SOX5: variants seen among roughly 807,000 people sequenced by gnomAD.
SOX5 encodes the protein SRY-box transcription factor 5.
In SOX5, 9 loss-of-function variants were observed where a neutral mutation model predicts 92.0. The ratio of observed to expected loss-of-function variants is 0.10; its 90% CI spans 0.06 to 0.17. The LOEUF (loss-of-function observed/expected upper bound fraction) is 0.17, where lower values mean the gene tolerates loss of function less well. Among genes scored for constraint, SOX5 ranks in the 10% least tolerant of loss-of-function variants. The pLI is 1.00. For missense variants in SOX5, 642 were observed against 944.5 expected, an observed-to-expected ratio of 0.68 and a Z score of 4.20; for synonymous variants, 344 against 336.3, an observed-to-expected ratio of 1.02 and a Z score of -0.25.
intron 4 of SOX5, among the ~76,000 whole-genome samples, chr12:23,994,077 G>A (rs1045030729): frequency 6.6e-6 from 1 of 151,656 alleles, no homozygotes; most frequent in Non-Finnish European, 1.5e-5. Flanking sequence ...TCACACCACT[G>A]GCACCACTGC....
chr12:24,211,098 G>A (rs761262940), intron 4 of SOX5, among the ~76,000 whole-genome samples: 2 of 152,066 alleles, frequency 1.3e-5, no homozygotes, highest in Non-Finnish European at 2.9e-5. Context: ...TCCTGCCACT[G>A]CCCTTGCCAT....
intron 3 of SOX5, among the ~76,000 whole-genome samples, chr12:24,258,168 T>TC (rs1294321023): frequency 4.6e-5 from 7 of 151,672 alleles, no homozygotes; most frequent in East Asian, 3.9e-4. Flanking sequence ...CAAGACTCCG[T>TC]CAAAAAACAC....
intron 1 of SOX5, among the ~76,000 whole-genome samples, chr12:24,402,103 G>A (rs529355495): frequency 5.4e-4 from 82 of 152,242 alleles, no homozygotes; most frequent in African/African-American, 1.9e-3. Context: ...ATGAGGAGGT[G>A]CCATTTTTAC....
At chr12:23,809,253 A>T (rs558210482) in intron 3 of SOX5, among the ~76,000 whole-genome samples, 2 of 152,094 alleles carry the variant, frequency 1.3e-5, no homozygotes, top group Admixed American at 6.6e-5. Context: ...GGGTAGGGAG[A>T]GGCAGTGGTA....
intron 4 of SOX5, among the ~76,000 whole-genome samples, chr12:24,060,328 G>A (rs1422344726): frequency 1.3e-5 from 2 of 152,142 alleles, no homozygotes; most frequent in South Asian, 2.1e-4. Flanking sequence ...AGGAAGTGGT[G>A]GAGCCAGGAA....
intron 1 of SOX5, among the ~76,000 whole-genome samples, chr12:24,547,233 G>A (rs933499459): frequency 1.6e-4 from 22 of 141,114 alleles, no homozygotes; most frequent in African/African-American, 3.4e-4. Context: ...CGCCCAGGCC[G>A]GACTGCGGAC....
chr12:24,241,054 C>T (rs757248570), intron 3 of SOX5, among the ~76,000 whole-genome samples: 1 of 152,028 alleles, frequency 6.6e-6, no homozygotes, highest in Non-Finnish European at 1.5e-5. Context: ...TGAATTCCCT[C>T]TCTCAGTTTT....
chr12:24,394,043 G>A (rs1217094924), intron 1 of SOX5, among the ~76,000 whole-genome samples: 3 of 152,146 alleles, frequency 2.0e-5, no homozygotes, highest in South Asian at 2.1e-4. Context: ...TAGGGGAAAG[G>A]TGGCTGAAAG....
At chr12:24,028,370 G>A (rs1955111127) in intron 4 of SOX5, among the ~76,000 whole-genome samples, 1 of 151,906 alleles carries the variant, frequency 6.6e-6, no homozygotes, top group African/African-American at 2.4e-5. Context: ...TAATAATTTG[G>A]ATTAATAGGA....
At chr12:24,180,579 C>T (rs1255014215) in intron 4 of SOX5, among the ~76,000 whole-genome samples, 6 of 152,110 alleles carry the variant, frequency 3.9e-5, no homozygotes, top group East Asian at 1.9e-4. Context: ...GTATGCAGTG[C>T]CCCTTTTATA....
At chr12:23,989,258 G>A (rs1569420240) in intron 4 of SOX5, among the ~76,000 whole-genome samples, 1 of 150,780 alleles carries the variant, frequency 6.6e-6, no homozygotes, top group Non-Finnish European at 1.5e-5. Context: ...TAGGCGTGGT[G>A]TTGCGTGCCT....
chr12:23,738,996 C>A (rs557155081), intron 5 of SOX5, among the ~76,000 whole-genome samples: 6 of 152,294 alleles, frequency 3.9e-5, no homozygotes, highest in Non-Finnish European at 8.8e-5. Context: ...AAGCAGACAT[C>A]AACCACCAAG....
At chr12:23,584,937 C>G (rs1950518616) in intron 9 of SOX5, among the ~76,000 whole-genome samples, 2 of 151,978 alleles carry the variant, frequency 1.3e-5, no homozygotes, top group African/African-American at 4.8e-5. Context: ...AGACAATTTT[C>G]ATTTTTAAAG....
At chr12:24,247,600 A>G (rs957642966) in intron 3 of SOX5, among the ~76,000 whole-genome samples, 1 of 149,988 alleles carries the variant, frequency 6.7e-6, no homozygotes, top group African/African-American at 2.5e-5. Context: ...GGCACGTTAC[A>G]TCTTTACCCC....
intron 1 of SOX5, among the ~76,000 whole-genome samples, chr12:24,408,148 G>C (rs987093912): frequency 3.9e-5 from 6 of 152,100 alleles, no homozygotes; most frequent in Non-Finnish European, 5.9e-5. Flanking sequence ...CAGCAAAAAA[G>C]GCTCTGCGAC....
chr12:23,894,989 C>T (rs997573096), intron 2 of SOX5, among the ~76,000 whole-genome samples: 1 of 152,098 alleles, frequency 6.6e-6, no homozygotes, highest in Non-Finnish European at 1.5e-5. Context: ...TGCCCCACTA[C>T]CTTCTTAACA....
At chr12:24,194,853 C>T (rs937352659) in intron 4 of SOX5, among the ~76,000 whole-genome samples, 2 of 152,062 alleles carry the variant, frequency 1.3e-5, no homozygotes, top group Non-Finnish European at 2.9e-5. Context: ...GAATGATCTC[C>T]AATTTACAAC....
At chr12:23,756,687 C>A (rs966506069) in intron 3 of SOX5, among the ~76,000 whole-genome samples, 2 of 151,846 alleles carry the variant, frequency 1.3e-5, no homozygotes, top group African/African-American at 4.8e-5. Flanking sequence ...TAACAATACC[C>A]ACACTTATTA....
At chr12:24,413,245 A>T (rs563383628) in intron 1 of SOX5, among the ~76,000 whole-genome samples, 8 of 152,348 alleles carry the variant, frequency 5.3e-5, no homozygotes, top group Non-Finnish European at 7.3e-5. Context: ...TTTAGTACAT[A>T]CACATTTAGA....
Sources: allele counts gnomAD v4.1 joint callset (sites outside exome capture counted in the v4.1 genomes callset), GRCh38; gene constraint gnomAD v4.1.1; transcripts MANE v1.5; gene names NCBI Gene and HGNC (gene_info 2026-07-23, HGNC 2026-07-21).